The following SKAP1 variants were observed in gnomAD, a reference collection of about 807,000 sequenced individuals.
SKAP1 encodes src kinase-associated phosphoprotein 1.
A neutral mutation model predicts 58.5 loss-of-function variants in SKAP1; 44 were observed. The observed-to-expected ratio is 0.75, with a 90% CI of 0.59 to 0.97. SKAP1 has a LOEUF of 0.97. Ranked by LOEUF, SKAP1 falls within the 50% of genes least tolerant of loss-of-function variation. The pLI, the probability that SKAP1 is intolerant of heterozygous loss-of-function variation, is 0.00. For synonymous variants in SKAP1, 127 were observed against 149.7 expected, an observed-to-expected ratio of 0.85 and a Z score of 1.11; for missense variants, 390 against 435.2, an observed-to-expected ratio of 0.90 and a Z score of 0.92.
chr17:48,153,764 C>T (rs1331242125), intron 11 of SKAP1, among the ~76,000 whole-genome samples: 1 of 151,672 alleles, frequency 6.6e-6, no homozygotes, highest in African/African-American at 2.4e-5. Context: ...CACTTACTAC[C>T]CCTAAATTAC....
At chr17:48,421,155 A>G (rs1029204811) in intron 1 of SKAP1, among the ~76,000 whole-genome samples, 6 of 152,208 alleles carry the variant, frequency 3.9e-5, no homozygotes, top group Admixed American at 1.3e-4. Context: ...ATCTAACACT[A>G]GACGATAATC....
intron 1 of SKAP1, among the ~76,000 whole-genome samples, chr17:48,410,719 G>A (rs2067651664): frequency 6.6e-6 from 1 of 152,042 alleles, no homozygotes; most frequent in Non-Finnish European, 1.5e-5. Flanking sequence ...TTGAGGTGAG[G>A]AGTTTGAAAC....
rs904015053 is a variant in SKAP1 at position 48,185,258 on chromosome 17, G to C, written c.443-411C>G. On this transcript the variant is annotated intron_variant, in intron 6 of 12. Coordinates refer to ENST00000336915, the MANE Select transcript of SKAP1 (RefSeq NM_003726.4). Reference sequence around the variant, plus strand: ...TTTGAGGGGAGGGACAGCAGCACAGGGGGGCATTATAAGGTCCCAGAATCG... The same window carrying C: ...TTTGAGGGGAGGGACAGCAGCACAGCGGGGCATTATAAGGTCCCAGAATCG... 4.9e-5 allele frequency: 8 copies of C among 162,616 alleles called. No individual in the cohort carries two copies. The East Asian group carries it at 1.1e-3, about 23-fold the overall frequency. 10.1% of individuals were successfully genotyped at this position (162,616 alleles called of 1,614,324 possible).
chr17:48,148,972 C>T (rs918166369), intron 11 of SKAP1, among the ~76,000 whole-genome samples: 3 of 152,126 alleles, frequency 2.0e-5, no homozygotes, highest in Non-Finnish European at 4.4e-5. Context: ...AGCAGATGCT[C>T]GTTCTCTCTT....
intron 4 of SKAP1, among the ~76,000 whole-genome samples, chr17:48,293,233 C>T (rs922734581): frequency 3.3e-5 from 5 of 152,066 alleles, no homozygotes; most frequent in Admixed American, 1.3e-4. Context: ...GAAGGAATTA[C>T]GTACTTTTAT....
chr17:48,370,948 A>G (rs1244991054), intron 2 of SKAP1, among the ~76,000 whole-genome samples: 1 of 152,234 alleles, frequency 6.6e-6, no homozygotes, highest in Non-Finnish European at 1.5e-5. Context: ...TGATGCAGCC[A>G]TAATAAACAA....
chr17:48,430,250 G>C, upstream of SKAP1: 131 of 399,276 alleles, frequency 3.3e-4, no homozygotes, highest in Middle Eastern at 1.1e-3. Context: ...CAGCCCGGCC[G>C]CGGGGCGGGG....
chr17:48,414,853 A>G (rs2144592808), intron 1 of SKAP1, among the ~76,000 whole-genome samples: 1 of 152,306 alleles, frequency 6.6e-6, no homozygotes, highest in South Asian at 2.1e-4. Flanking sequence ...GACTGGTGAA[A>G]GTTTCTTACA....
intron 4 of SKAP1, among the ~76,000 whole-genome samples, chr17:48,316,044 A>AC (rs1187288448): frequency 2.6e-5 from 4 of 152,128 alleles, no homozygotes; most frequent in Non-Finnish European, 5.9e-5. Flanking sequence ...AGTATACCTC[A>AC]CCCTAGTCTC....
At chr17:48,299,363 A>C (rs890056093) in intron 4 of SKAP1, among the ~76,000 whole-genome samples, 2 of 152,222 alleles carry the variant, frequency 1.3e-5, no homozygotes, top group Non-Finnish European at 2.9e-5. Context: ...GAAGGAAGTA[A>C]ACATTTATCT....
chr17:48,244,171 T>C (rs2065270276), intron 4 of SKAP1, among the ~76,000 whole-genome samples: 1 of 152,206 alleles, frequency 6.6e-6, no homozygotes, highest in Non-Finnish European at 1.5e-5. Context: ...TTTAAGGAAG[T>C]AGCAGAATGC....
intron 11 of SKAP1, among the ~76,000 whole-genome samples, chr17:48,161,546 T>A (rs1240708426): frequency 6.6e-6 from 1 of 152,254 alleles, no homozygotes; most frequent in East Asian, 1.9e-4. Context: ...CAGTGATTGA[T>A]CTGTAATAAT....
chr17:48,200,023 C>T (rs898516614), intron 4 of SKAP1, among the ~76,000 whole-genome samples: 1 of 151,992 alleles, frequency 6.6e-6, no homozygotes, highest in Non-Finnish European at 1.5e-5. Flanking sequence ...GGCGCGGTGG[C>T]TTATGCCTGT....
chr17:48,212,917 G>A (rs1388720450), intron 4 of SKAP1, among the ~76,000 whole-genome samples: 2 of 152,172 alleles, frequency 1.3e-5, no homozygotes. Flanking sequence ...TGGGTTGATT[G>A]GCGTGCAGAA....
At chr17:48,439,068 A>G in the SKAP1 span, among the ~76,000 whole-genome samples, 3 of 152,366 alleles carry the variant, frequency 2.0e-5, no homozygotes, top group African/African-American at 7.2e-5. Flanking sequence ...ATTTCAGGCT[A>G]TACCATGTTC....
Position 48,190,313 on chromosome 17 carries a change from C to A in SKAP1, c.281-813G>T, listed in dbSNP as rs372667573. On this transcript the variant is annotated intron_variant, in intron 4 of 12. Coordinates refer to ENST00000336915, the MANE Select transcript of SKAP1 (RefSeq NM_003726.4). ...ATTTTTAGTAGATATGGGGTTTCAC[C>A]GTGTTAGCCAGGATGGTCTCGATCT... 8.6e-5 allele frequency among the ~76,000 whole-genome samples: 13 copies of A among 151,918 alleles called. 1 individual carries two copies. The East Asian group carries it at 2.0e-3, about 23-fold the overall frequency.
intron 11 of SKAP1, among the ~76,000 whole-genome samples, chr17:48,151,086 GAAAAA>G (rs369278460): frequency 1.5e-5 from 2 of 130,414 alleles, no homozygotes; most frequent in Non-Finnish European, 1.6e-5. Flanking sequence ...GACGCAGCAG[GAAAAA>G]AAAAAAAAAA....
chr17:48,424,563 A>C (rs1227736157), intron 1 of SKAP1, among the ~76,000 whole-genome samples: 1 of 151,598 alleles, frequency 6.6e-6, no homozygotes. Context: ...ATCACCTCCC[A>C]TCACATTTGT....
chr17:48,432,897 T>TA (rs948599333), upstream of SKAP1, among the ~76,000 whole-genome samples: 1 of 152,238 alleles, frequency 6.6e-6, no homozygotes, highest in African/African-American at 2.4e-5. Context: ...ATAGCTTACT[T>TA]ACACCAAAAA....
Sources: allele counts gnomAD v4.1 joint callset (sites outside exome capture counted in the v4.1 genomes callset), GRCh38; gene constraint gnomAD v4.1.1; transcripts MANE v1.5; gene names NCBI Gene and HGNC (gene_info 2026-07-23, HGNC 2026-07-21).